The following FRS2 variants were observed in gnomAD, a reference collection of about 807,000 sequenced individuals.
FRS2 encodes fibroblast growth factor receptor substrate 2.
In FRS2, 8 loss-of-function variants were observed where a neutral mutation model predicts 43.9. The observed-to-expected ratio is 0.18, with a 90% CI of 0.11 to 0.33. The LOEUF (loss-of-function observed/expected upper bound fraction) is 0.33, where lower values mean the gene tolerates loss of function less well. Among genes scored for constraint, FRS2 ranks in the 10% least tolerant of loss-of-function variants. The probability of loss-of-function intolerance (pLI) is 1.00; values close to 1 mark genes in which losing one functional copy is unlikely to be tolerated. For missense variants in FRS2, 534 were observed against 627.6 expected, an observed-to-expected ratio of 0.85 and a Z score of 1.59; for synonymous variants, 219 against 220.3, an observed-to-expected ratio of 0.99 and a Z score of 0.05.
At chr12:69,485,134 C>CACACACACACACACACACAT (rs1194988609) in intron 1 of FRS2, among the ~76,000 whole-genome samples, 3,811 of 134,198 alleles carry the variant, frequency 0.028, 215 homozygotes, top group African/African-American at 0.048. Flanking sequence ...CACACACACA[C>CACACACACACACACACACAT]ACTCTCACCC....
chr12:69,475,962 G>A (rs989669636), intron 1 of FRS2, among the ~76,000 whole-genome samples: 3 of 152,006 alleles, frequency 2.0e-5, no homozygotes, highest in Non-Finnish European at 4.4e-5. Context: ...ATGGGTAATC[G>A]GTAGTTTTTG....
chr12:69,542,247 T>C (rs576034888), intron 3 of FRS2, among the ~76,000 whole-genome samples: 2 of 152,344 alleles, frequency 1.3e-5, no homozygotes, highest in African/African-American at 4.8e-5. Flanking sequence ...TTAAACAGGT[T>C]CAGCCTTATC....
At chr12:69,491,115 A>T (rs1565721492) in intron 1 of FRS2, among the ~76,000 whole-genome samples, 1 of 152,094 alleles carries the variant, frequency 6.6e-6, no homozygotes, top group Non-Finnish European at 1.5e-5. Context: ...TTCTTTTGAG[A>T]CAGGGTCTCT....
At chr12:69,500,409 G>A (rs1371731164) in intron 1 of FRS2, among the ~76,000 whole-genome samples, 1 of 152,204 alleles carries the variant, frequency 6.6e-6, no homozygotes, top group Non-Finnish European at 1.5e-5. Context: ...GGAATTGGCA[G>A]TGGGAATAGA....
At position 69,559,261 on chromosome 12, in the gene FRS2, T is replaced by C. The variant is rs370193164; in HGVS notation, c.-121-2919T>C. The stretch of plus-strand genomic sequence containing the variant: ...GATCATACTGGTTTTACTTATGTTT[T>C]ATAGAGAAATGAGAGGAATCTGGTT... On this transcript the variant is annotated intron_variant, in intron 3 of 8. Coordinates refer to ENST00000549921, the MANE Select transcript of FRS2 (RefSeq NM_001278356.2). 2.6e-5 allele frequency among the ~76,000 whole-genome samples: 4 copies of C among 152,250 alleles called. No homozygotes were observed. The South Asian group carries it at 6.2e-4, about 24-fold the overall frequency.
chr12:69,555,977 G>C (rs188668914), intron 3 of FRS2, among the ~76,000 whole-genome samples: 1 of 142,638 alleles, frequency 7.0e-6, no homozygotes, highest in Non-Finnish European at 1.5e-5. Flanking sequence ...TTGGCATTTG[G>C]CATAGCTTCT....
intron 2 of FRS2, among the ~76,000 whole-genome samples, chr12:69,531,786 C>G (rs1593001456): frequency 6.6e-6 from 1 of 152,146 alleles, no homozygotes; most frequent in Non-Finnish European, 1.5e-5. Context: ...AGCAAAATGA[C>G]TTGATATTTA....
intron 3 of FRS2, among the ~76,000 whole-genome samples, chr12:69,553,673 G>C (rs768077697): frequency 6.6e-6 from 1 of 152,130 alleles, no homozygotes; most frequent in Admixed American, 6.5e-5. Context: ...GTGGTCTCTA[G>C]ACCTAGATAA....
intron 1 of FRS2, among the ~76,000 whole-genome samples, chr12:69,521,455 G>A (rs183814851): frequency 6.6e-6 from 1 of 152,094 alleles, no homozygotes. Context: ...AGAAGTGGTG[G>A]CAAGAGGGCA....
intron 5 of FRS2, among the ~76,000 whole-genome samples, chr12:69,569,984 AATTT>A (rs1236768563): frequency 6.6e-6 from 1 of 152,046 alleles, no homozygotes; most frequent in African/African-American, 2.4e-5. Context: ...TTTCTGCGTA[AATTT>A]ATTTATACTA....
intron 7 of FRS2, among the ~76,000 whole-genome samples, chr12:69,571,858 C>T (rs1430524080): frequency 2.0e-5 from 3 of 151,738 alleles, no homozygotes; most frequent in Admixed American, 6.6e-5. Context: ...AGCAAGACTC[C>T]GTCTCAAAAA....
rs561054256 is a variant in FRS2, at chr12:69,494,430, C to T, written c.-261+23900C>T. On this transcript the variant is annotated intron_variant, in intron 1 of 8. Transcript: ENST00000549921. The stretch of plus-strand genomic sequence containing the variant: ...GATATCCAATTTATACATGAGGAAA[C>T]TCTCTCAGAGAGGTTATATAATTTG... 2.0e-5 allele frequency among the ~76,000 whole-genome samples: 3 copies of T among 152,250 alleles called. No individual in the cohort carries two copies. In the East Asian group the frequency reaches 5.8e-4, roughly 29 times the overall value.
chr12:69,557,063 A>G (rs1168586226), intron 3 of FRS2, among the ~76,000 whole-genome samples: 1 of 152,212 alleles, frequency 6.6e-6, no homozygotes, highest in African/African-American at 2.4e-5. Flanking sequence ...TGAATTTCAC[A>G]GTATTTTTTA....
Position 69,477,735 on chromosome 12 carries a change from TA to T in FRS2, c.-261+7206del, listed in dbSNP as rs1179864379. 3.5e-3 allele frequency among the ~76,000 whole-genome samples: 522 copies of T among 149,148 alleles called. 11 individuals carry two copies. The highest frequency in any genetic ancestry group is 0.012 in the African/African-American group (489 of 39,974). On this transcript the variant is annotated intron_variant, in intron 1 of 8. Transcript: ENST00000549921. Reference sequence around the variant, plus strand: ...TTATTTATTTATTTATTTATTTATTTATTTATTTATTTATTTATTTTTTGAG... The same window carrying T: ...TTATTTATTTATTTATTTATTTATTTTTTATTTATTTATTTATTTTTTGAG...
At chr12:69,470,968 C>T (rs894045476) in intron 1 of FRS2, among the ~76,000 whole-genome samples, 1 of 152,064 alleles carries the variant, frequency 6.6e-6, no homozygotes, top group Non-Finnish European at 1.5e-5. Flanking sequence ...AGTAATTAAC[C>T]CGGGTCCCAG....
chr12:69,564,243 CT>C lies in FRS2; in HGVS notation c.-27+1982del, dbSNP rs1235568923. ...TTTTCTTAGTTTGTACTATTCTGAT[CT>C]TTTTTTTTTTTTAATTCCTTCACTG... is the stretch of plus-strand genomic sequence containing the variant. On this transcript the variant is annotated intron_variant, in intron 4 of 8. Coordinates refer to ENST00000549921, the MANE Select transcript of FRS2 (RefSeq NM_001278356.2). Among the ~76,000 whole-genome samples the C allele has an allele frequency of 2.1e-3, 294 of 142,528 alleles. 1 individual carries two copies. The highest frequency in any genetic ancestry group is 5.9e-3 in the East Asian group (29 of 4,876). 93.5% of individuals were successfully genotyped at this position (142,528 alleles called of 152,430 possible).
At chr12:69,515,040 A>G (rs945367493) in intron 1 of FRS2, among the ~76,000 whole-genome samples, 4 of 152,228 alleles carry the variant, frequency 2.6e-5, no homozygotes, top group Non-Finnish European at 4.4e-5. Context: ...TCATCCTCAC[A>G]ACAAACTTGT....
intron 1 of FRS2, among the ~76,000 whole-genome samples, chr12:69,507,377 TAA>T (rs1446395125): frequency 6.6e-6 from 1 of 152,228 alleles, no homozygotes; most frequent in African/African-American, 2.4e-5. Flanking sequence ...ATGTAAATAA[TAA>T]GACAAATATT....
intron 1 of FRS2, among the ~76,000 whole-genome samples, chr12:69,482,774 G>A (rs1871457807): frequency 6.6e-6 from 1 of 152,130 alleles, no homozygotes; most frequent in Non-Finnish European, 1.5e-5. Context: ...TAGGCTTTGA[G>A]GTTCAAAACT....
Sources: allele counts gnomAD v4.1 joint callset (sites outside exome capture counted in the v4.1 genomes callset), GRCh38; gene constraint gnomAD v4.1.1; transcripts MANE v1.5; gene names NCBI Gene and HGNC (gene_info 2026-07-23, HGNC 2026-07-21).